GLIS1: variants seen among roughly 807,000 people sequenced by gnomAD.
GLIS1 encodes GLIS family zinc finger 1, also known as zinc finger protein GLIS1.
GLIS1 carries 24 observed loss-of-function variants against 63.8 expected under a neutral mutation model. The observed-to-expected ratio is 0.38, with a 90% CI of 0.27 to 0.53. GLIS1 has a LOEUF of 0.53. Among genes scored for constraint, GLIS1 ranks in the 20% least tolerant of loss-of-function variants. The probability of loss-of-function intolerance (pLI) is 0.85; values close to 1 mark genes in which losing one functional copy is unlikely to be tolerated. For synonymous variants in GLIS1, 450 were observed against 482.5 expected, an observed-to-expected ratio of 0.93 and a Z score of 0.88; for missense variants, 1,036 against 1,074.1, an observed-to-expected ratio of 0.96 and a Z score of 0.50.
At chr1:53,563,683 G>A (rs1422913072) in intron 4 of GLIS1, among the ~76,000 whole-genome samples, 1 of 152,158 alleles carries the variant, frequency 6.6e-6, no homozygotes, top group African/African-American at 2.4e-5. Flanking sequence ...TATCTGAAGA[G>A]ATAACAGCTT....
chr1:53,558,382 T>A (rs1644853716), intron 4 of GLIS1, among the ~76,000 whole-genome samples: 1 of 152,188 alleles, frequency 6.6e-6, no homozygotes, highest in African/African-American at 2.4e-5. Flanking sequence ...ATCTCTAAGA[T>A]AAGGCCCCGG....
chr1:53,641,365 C>T (rs1645785297), intron 2 of GLIS1, among the ~76,000 whole-genome samples: 1 of 152,176 alleles, frequency 6.6e-6, no homozygotes, highest in Admixed American at 6.5e-5. Flanking sequence ...GCAAGCTCCC[C>T]TGGGAAGGAA....
chr1:53,558,792 AC>A (rs1299991317), intron 4 of GLIS1, among the ~76,000 whole-genome samples: 1 of 152,130 alleles, frequency 6.6e-6, no homozygotes, highest in Non-Finnish European at 1.5e-5. Flanking sequence ...TGCACCATTC[AC>A]CCTGCTCCAT....
intron 2 of GLIS1, among the ~76,000 whole-genome samples, chr1:53,647,022 A>G (rs1028446478): frequency 2.0e-5 from 3 of 152,122 alleles, no homozygotes; most frequent in Non-Finnish European, 4.4e-5. Context: ...GGAAAAGAAA[A>G]TTGAGATAAA....
At chr1:53,615,953 G>A (rs1228584319) in intron 2 of GLIS1, among the ~76,000 whole-genome samples, 4 of 152,030 alleles carry the variant, frequency 2.6e-5, no homozygotes. Flanking sequence ...TCAACATGTT[G>A]CCCAGGCTGG....
At chr1:53,561,399 T>C (rs1474264537) in intron 4 of GLIS1, among the ~76,000 whole-genome samples, 6 of 152,366 alleles carry the variant, frequency 3.9e-5, no homozygotes, top group South Asian at 2.1e-4. Flanking sequence ...TGACTGCTAA[T>C]TGGATCCTCA....
intron 2 of GLIS1, among the ~76,000 whole-genome samples, chr1:53,650,641 G>A (rs1645897277): frequency 6.6e-6 from 1 of 151,124 alleles, no homozygotes; most frequent in South Asian, 2.1e-4. Context: ...GTAGGGTCAT[G>A]AGGCGAGTAG....
At chr1:53,656,598 A>T (rs1004863966) in intron 2 of GLIS1, among the ~76,000 whole-genome samples, 6 of 152,226 alleles carry the variant, frequency 3.9e-5, no homozygotes, top group Non-Finnish European at 8.8e-5. Flanking sequence ...TCCTCGTGCG[A>T]TTTGCAATCT....
chr1:53,679,651 G>A (rs1462849960), intron 2 of GLIS1, among the ~76,000 whole-genome samples: 1 of 152,214 alleles, frequency 6.6e-6, no homozygotes, highest in Non-Finnish European at 1.5e-5. Flanking sequence ...CAGAACCACA[G>A]AGATGAGAGC....
intron 2 of GLIS1, among the ~76,000 whole-genome samples, chr1:53,619,803 A>G (rs1645521994): frequency 6.6e-6 from 1 of 152,226 alleles, no homozygotes; most frequent in East Asian, 1.9e-4. Context: ...ACAGATCTAA[A>G]AGATAATCTT....
At chr1:53,550,951 A>G (rs997360787) in intron 4 of GLIS1, among the ~76,000 whole-genome samples, 1 of 152,120 alleles carries the variant, frequency 6.6e-6, no homozygotes, top group African/African-American at 2.4e-5. Context: ...CCCGGGTTCA[A>G]GTGATTCTCC....
chr1:53,524,164 C>T (rs1364651279), intron 6 of GLIS1, among the ~76,000 whole-genome samples: 4 of 152,220 alleles, frequency 2.6e-5, no homozygotes, highest in Non-Finnish European at 4.4e-5. Context: ...GGCTGAGGAA[C>T]CTGAAGCCCA....
chr1:53,592,267 C>T (rs912025041), intron 4 of GLIS1, among the ~76,000 whole-genome samples: 1 of 152,176 alleles, frequency 6.6e-6, no homozygotes, highest in Admixed American at 6.5e-5. Context: ...CTCTGACTTC[C>T]CAAATTTCCA....
chr1:53,712,862 C>T (rs1016452592), intron 2 of GLIS1, among the ~76,000 whole-genome samples: 1 of 152,086 alleles, frequency 6.6e-6, no homozygotes, highest in Non-Finnish European at 1.5e-5. Context: ...TTTAACACAA[C>T]GGCAAACACG....
chr1:53,507,701 A>G (rs541807619), intron 10 of GLIS1, among the ~76,000 whole-genome samples: 46 of 152,070 alleles, frequency 3.0e-4, no homozygotes, highest in Non-Finnish European at 5.1e-4. Context: ...AAGGCAGCTG[A>G]GCGGGCCTGG....
At chr1:53,618,430 C>A (rs1645505874) in intron 2 of GLIS1, among the ~76,000 whole-genome samples, 1 of 152,206 alleles carries the variant, frequency 6.6e-6, no homozygotes, top group African/African-American at 2.4e-5. Context: ...CTGGCCTTTA[C>A]AACATTATTA....
At chr1:53,709,731 T>TC (rs1570087512) in intron 2 of GLIS1, among the ~76,000 whole-genome samples, 1 of 152,250 alleles carries the variant, frequency 6.6e-6, no homozygotes, top group East Asian at 1.9e-4. Context: ...CAGAGGCAGT[T>TC]CCCATTCATC....
intron 2 of GLIS1, among the ~76,000 whole-genome samples, chr1:53,698,572 G>A (rs931000525): frequency 2.0e-5 from 3 of 152,250 alleles, no homozygotes; most frequent in African/African-American, 7.2e-5. Flanking sequence ...TCAGGGGTGA[G>A]ATATTTGTGA....
intron 4 of GLIS1, among the ~76,000 whole-genome samples, chr1:53,590,245 G>A (rs1645175253): frequency 6.6e-6 from 1 of 152,104 alleles, no homozygotes; most frequent in African/African-American, 2.4e-5. Flanking sequence ...CTGTAGTTCA[G>A]AAAGGGTAAG....
Sources: gnomAD v4.1 joint callset for allele counts (sites outside exome capture counted in the v4.1 genomes callset) on GRCh38, gnomAD v4.1.1 for gene constraint, MANE v1.5 for transcripts, NCBI Gene and HGNC (gene_info 2026-07-23, HGNC 2026-07-21) for gene names.